CNTN3: variants seen among roughly 807,000 people sequenced by gnomAD.
CNTN3 encodes contactin-3.
CNTN3 carries 60 observed loss-of-function variants against 119.1 expected under a neutral mutation model. The observed-to-expected ratio is 0.50, with a 90% CI of 0.41 to 0.62. The LOEUF is 0.62. Among genes scored for constraint, CNTN3 ranks in the 20% least tolerant of loss-of-function variants. The pLI is 0.00. For missense variants in CNTN3, 1,101 were observed against 1,242.4 expected (o/e 0.89, Z 1.71); for synonymous variants, 450 against 438.7 (o/e 1.03, Z -0.32).
At chr3:74,435,026 A>G (rs1157147117) in intron 4 of CNTN3, among the ~76,000 whole-genome samples, 1 of 151,614 alleles carries the variant, frequency 6.6e-6, no homozygotes, top group Non-Finnish European at 1.5e-5. Context: ...TCTCTCAAAG[A>G]CTCCCACAAC....
At chr3:74,589,745 G>GGCA (rs1392245758) in intron 1 of CNTN3, among the ~76,000 whole-genome samples, 1 of 151,218 alleles carries the variant, frequency 6.6e-6, no homozygotes, top group African/African-American at 2.4e-5. Context: ...AAGAAAATGT[G>GGCA]GCACATATAC....
intron 4 of CNTN3, among the ~76,000 whole-genome samples, chr3:74,443,713 T>C (rs1702002990): frequency 6.6e-6 from 1 of 152,160 alleles, no homozygotes; most frequent in Admixed American, 6.5e-5. Flanking sequence ...ATCCCTCAAG[T>C]CTCAACTTAG....
At chr3:74,532,581 G>A (rs1348038809) in intron 1 of CNTN3, among the ~76,000 whole-genome samples, 1 of 151,954 alleles carries the variant, frequency 6.6e-6, no homozygotes, top group Non-Finnish European at 1.5e-5. Flanking sequence ...TCATTGAGAT[G>A]ACTCCTAAGT....
chr3:74,462,196 G>A (rs947110644), intron 4 of CNTN3, among the ~76,000 whole-genome samples: 1 of 152,012 alleles, frequency 6.6e-6, no homozygotes, highest in African/African-American at 2.4e-5. Context: ...TAAGTTTCCT[G>A]AGGCCTCCTC....
chr3:74,418,779 T>C (rs1286365410), intron 5 of CNTN3, among the ~76,000 whole-genome samples: 1 of 151,470 alleles, frequency 6.6e-6, no homozygotes, highest in East Asian at 1.9e-4. Flanking sequence ...GTTTATTTTA[T>C]TTTAAATTTT....
intron 2 of CNTN3, among the ~76,000 whole-genome samples, chr3:74,514,904 G>A (rs922079997): frequency 2.0e-5 from 3 of 152,072 alleles, no homozygotes; most frequent in Non-Finnish European, 2.9e-5. Context: ...CAAAACAAGA[G>A]CAGTGAGCTC....
intron 1 of CNTN3, among the ~76,000 whole-genome samples, chr3:74,533,060 A>G (rs1357107722): frequency 6.6e-6 from 1 of 152,028 alleles, no homozygotes; most frequent in African/African-American, 2.4e-5. Context: ...GAGAACCATC[A>G]GGCTCGTCTT....
At chr3:74,573,710 A>G (rs1704370391) in intron 1 of CNTN3, among the ~76,000 whole-genome samples, 1 of 152,108 alleles carries the variant, frequency 6.6e-6, no homozygotes, top group Non-Finnish European at 1.5e-5. Context: ...GTCATTAGGG[A>G]AATGCAAATC....
chr3:74,313,894 C>G (rs557682585), intron 13 of CNTN3, among the ~76,000 whole-genome samples: 3 of 152,280 alleles, frequency 2.0e-5, no homozygotes, highest in Admixed American at 2.0e-4. Context: ...TGGGGATTAT[C>G]TAGAGATCCA....
intron 2 of CNTN3, among the ~76,000 whole-genome samples, chr3:74,505,347 G>C (rs548074664): frequency 3.9e-5 from 6 of 152,110 alleles, no homozygotes; most frequent in Admixed American, 2.6e-4. Flanking sequence ...ATAAAATGCT[G>C]ACCTTGCTTT....
chr3:74,529,035 T>C (rs947253016), intron 1 of CNTN3, among the ~76,000 whole-genome samples: 7 of 151,880 alleles, frequency 4.6e-5, no homozygotes, highest in African/African-American at 1.2e-4. Context: ...TTGCTGTTTA[T>C]AGTATATATA....
At chr3:74,508,779 C>T (rs1040049872) in intron 2 of CNTN3, among the ~76,000 whole-genome samples, 1 of 152,130 alleles carries the variant, frequency 6.6e-6, no homozygotes, top group Non-Finnish European at 1.5e-5. Context: ...TTCTTATCCC[C>T]AATTTGATAA....
At chr3:74,269,081 A>C (rs1701717998) in intron 20 of CNTN3, among the ~76,000 whole-genome samples, 1 of 151,922 alleles carries the variant, frequency 6.6e-6, no homozygotes. Context: ...GGAAAACAAA[A>C]AAGAAATAAT....
At chr3:74,386,880 C>T (rs747104876) in intron 5 of CNTN3, among the ~76,000 whole-genome samples, 8 of 152,132 alleles carry the variant, frequency 5.3e-5, no homozygotes, top group Non-Finnish European at 1.0e-4. Context: ...GGGTATCCTG[C>T]AAAGGAGGAT....
At chr3:74,292,624 C>T (rs999852907) in intron 19 of CNTN3, among the ~76,000 whole-genome samples, 1 of 152,130 alleles carries the variant, frequency 6.6e-6, no homozygotes, top group African/African-American at 2.4e-5. Context: ...AATCTCATTA[C>T]ATACCTAATC....
chr3:74,341,039 T>C (rs1010252842), intron 11 of CNTN3, among the ~76,000 whole-genome samples: 1 of 152,124 alleles, frequency 6.6e-6, no homozygotes, highest in East Asian at 1.9e-4. Flanking sequence ...CATGTTGAAA[T>C]GAGACAAAAC....
chr3:74,386,500 C>T (rs919389107), intron 5 of CNTN3, among the ~76,000 whole-genome samples: 1 of 152,124 alleles, frequency 6.6e-6, no homozygotes, highest in Non-Finnish European at 1.5e-5. Context: ...CATAATTGCA[C>T]CACTGCACTC....
intron 1 of CNTN3, among the ~76,000 whole-genome samples, chr3:74,539,843 G>T (rs944584838): frequency 6.6e-6 from 1 of 152,204 alleles, no homozygotes. Flanking sequence ...CAGTCCAAAC[G>T]TACAGGCTTT....
rs1429347774 is a variant in CNTN3, at chr3:74,410,493, A to G, written c.454+14352T>C. 2.0e-5 allele frequency among the ~76,000 whole-genome samples: 3 copies of G among 152,182 alleles called. No homozygotes were observed. In the East Asian group the frequency reaches 5.8e-4, roughly 29 times the overall value. On this transcript the variant is annotated intron_variant, in intron 5 of 22. Transcript: ENST00000263665. ...TCTCTGAGTTGTCAAAAAGCATAAT[A>G]CAGAGAGAAAAGGTCAAAGAATCCT...
Sources: allele counts gnomAD v4.1 joint callset (sites outside exome capture counted in the v4.1 genomes callset), GRCh38; gene constraint gnomAD v4.1.1; transcripts MANE v1.5; gene names NCBI Gene and HGNC (gene_info 2026-07-23, HGNC 2026-07-21).